The following MDGA1 variants were observed in gnomAD, a reference collection of about 807,000 sequenced individuals.
MDGA1 encodes the protein MAM domain containing glycosylphosphatidylinositol anchor 1, also known as MAM domain-containing glycosylphosphatidylinositol anchor protein 1.
Under a neutral mutation model 101.5 loss-of-function variants are expected in MDGA1, and 54 were observed. The ratio of observed to expected loss-of-function variants is 0.53; its 90% CI spans 0.43 to 0.67. The LOEUF (loss-of-function observed/expected upper bound fraction) is 0.67, where lower values mean the gene tolerates loss of function less well. Among genes scored for constraint, MDGA1 ranks in the 30% least tolerant of loss-of-function variants. The pLI, the probability that MDGA1 is intolerant of heterozygous loss-of-function variation, is 0.00. For synonymous variants in MDGA1, 533 were observed against 558.3 expected, an observed-to-expected ratio of 0.95 and a Z score of 0.64; for missense variants, 1,083 against 1,323.8, an observed-to-expected ratio of 0.82 and a Z score of 2.82.
chr6:37,648,551 T>C (rs1391720832), intron 9 of MDGA1: 1 of 205,018 alleles, frequency 4.9e-6, no homozygotes, highest in Admixed American at 5.6e-5. Flanking sequence ...TTCGAAGGGG[T>C]CTAGGCCTGG....
At position 37,635,077 on chromosome 6, in the gene MDGA1, A is replaced by AGT. The variant is rs1313466930; in HGVS notation, c.*2289_*2290dup. ...GGAAGCACCCAGGTGGTGCCAGGCC[A>AGT]GTGGTTCCTGCTGTCAGGAGAACCC... On this transcript the variant is annotated 3_prime_UTR_variant, in exon 17 of 17. Transcript: ENST00000434837. 1 of 164,596 alleles carries AGT rather than the reference A, an allele frequency of 6.1e-6. No individual in the cohort carries two copies. The highest frequency in any genetic ancestry group is 2.4e-5 in the African/African-American group (1 of 42,000). The allele number at this position is 164,596 out of a possible 1,614,324, so 10.2% of individuals were successfully genotyped here.
rs1762449970 is a variant in MDGA1 at position 37,697,676 on chromosome 6, G to A, written c.-865C>T. The A allele has an allele frequency of 6.6e-6, 1 of 150,920 alleles. No individual in the cohort carries two copies. The highest frequency in any genetic ancestry group is 2.1e-4 in the South Asian group (1 of 4,818). The allele number at this position is 150,920 out of a possible 1,614,324, so 9.3% of individuals were successfully genotyped here. A position where few individuals can be genotyped will look rare whatever the true frequency, so the allele number is the denominator to read the frequency against. On this transcript the variant is annotated 5_prime_UTR_variant, in exon 1 of 17. Transcript: ENST00000434837. The stretch of plus-strand genomic sequence containing the variant: ...TCGCCGCGCTCCTCTCCCGCCGTCT[G>A]GCCGCGGCCGTAGCCCTCCCGGGCT...
chr6:37,646,060 G>A, intron 11 of MDGA1, 104 bp from the exon 12 acceptor site: 1 of 1,583,304 alleles, frequency 6.3e-7, no homozygotes. Flanking sequence ...CCAGGACTGG[G>A]GGCCAGCGGA....
chr6:37,684,836 T>G (rs887164032), intron 1 of MDGA1, among the ~76,000 whole-genome samples: 35 of 152,204 alleles, frequency 2.3e-4, no homozygotes, highest in African/African-American at 8.4e-4. Flanking sequence ...ATGGGCTTTA[T>G]GTATCTTGCC....
intron 14 of MDGA1, among the ~76,000 whole-genome samples, chr6:37,641,392 T>C (rs916375620): frequency 6.6e-6 from 1 of 152,098 alleles, no homozygotes; most frequent in Non-Finnish European, 1.5e-5. Flanking sequence ...GCATTGGTGT[T>C]GTCTGGGCAC....
intron 1 of MDGA1, among the ~76,000 whole-genome samples, chr6:37,669,507 T>C (rs1761825956): frequency 6.6e-6 from 1 of 152,222 alleles, no homozygotes; most frequent in Non-Finnish European, 1.5e-5. Flanking sequence ...CTAGTGCCCC[T>C]TGGCCTTGGC....
At chr6:37,684,240 G>A (rs1409432284) in intron 1 of MDGA1, among the ~76,000 whole-genome samples, 1 of 152,166 alleles carries the variant, frequency 6.6e-6, no homozygotes, top group Non-Finnish European at 1.5e-5. Context: ...GTTGGACCCG[G>A]TGGAGACTGG....
At position 37,635,443 on chromosome 6, in the gene MDGA1, T is replaced by C. The variant is rs1232069353; in HGVS notation, c.*1925A>G. ...CGACAGACGCGATGGAAGTGTATGC[T>C]GAGAACCTGGAGCGACTCATTTCAG... On this transcript the variant is annotated 3_prime_UTR_variant, in exon 17 of 17. Coordinates refer to ENST00000434837, the MANE Select transcript of MDGA1 (RefSeq NM_153487.4). 1 of 398,698 alleles carries C rather than the reference T, an allele frequency of 2.5e-6. No individual in the cohort carries two copies. The highest frequency in any genetic ancestry group is 4.4e-6 in the Non-Finnish European group (1 of 226,138). The allele number at this position is 398,698 out of a possible 1,614,324, so 24.7% of individuals were successfully genotyped here.
chr6:37,696,659 C>G lies in MDGA1; in HGVS notation c.67+86G>C, dbSNP rs1052021143. 1 of 1,368,640 alleles carries G rather than the reference C, an allele frequency of 7.3e-7. No individual in the cohort carries two copies. The highest frequency in any genetic ancestry group is 1.0e-6 in the Non-Finnish European group (1 of 981,564). The allele number at this position is 1,368,640 out of a possible 1,614,324, so 84.8% of individuals were successfully genotyped here. On this transcript the variant is annotated intron_variant, in intron 1 of 16. Transcript: ENST00000434837. The surrounding 1 kb of genome is among the most constrained non-coding windows in gnomAD (Gnocchi z 5.6). ...TCCAGAGTCCGAGTCGAGGTCTCCACCAAACCCCGGCAGCGCGCACTTTGC... is the reference window on the plus strand; with the variant it reads ...TCCAGAGTCCGAGTCGAGGTCTCCAGCAAACCCCGGCAGCGCGCACTTTGC...
chr6:37,637,215 T>C lies in MDGA1; in HGVS notation c.*153A>G, dbSNP rs893243551. The C allele has an allele frequency of 1.6e-6, 1 of 612,136 alleles. No individual in the cohort carries two copies. The highest frequency in any genetic ancestry group is 2.9e-5 in the Admixed American group (1 of 34,522). The allele number at this position is 612,136 out of a possible 1,614,324, so 37.9% of individuals were successfully genotyped here. ...CCTCAGTGCCTGGCCTCTGTCCTTG[T>C]TCTCTGCTCATCCTTGCAGCCAATG... On this transcript the variant is annotated 3_prime_UTR_variant, in exon 17 of 17. Coordinates refer to ENST00000434837, the MANE Select transcript of MDGA1 (RefSeq NM_153487.4).
At chr6:37,637,549 T>C in intron 16 of MDGA1, 90 bp from the exon 17 acceptor site, 1 of 1,100,286 alleles carries the variant, frequency 9.1e-7, no homozygotes, top group Non-Finnish European at 1.4e-6. Context: ...ACTGTTACTC[T>C]GCCCACCTCT....
At chr6:37,664,906 C>CACACACACACACACACAT (rs1761712840) in intron 1 of MDGA1, among the ~76,000 whole-genome samples, 1 of 147,590 alleles carries the variant, frequency 6.8e-6, no homozygotes, top group Non-Finnish European at 1.5e-5. Flanking sequence ...CACACACACA[C>CACACACACACACACACAT]GGCTGCACAT....
chr6:37,654,221 AG>A, intron 6 of MDGA1, 52 bp downstream of exon 6: 1 of 1,495,394 alleles, frequency 6.7e-7, no homozygotes, highest in South Asian at 1.4e-5. Context: ...CCCAAAGACC[AG>A]GGACCTTGTC....
At chr6:37,647,036 C>G in intron 10 of MDGA1, 137 bp downstream of exon 10, 1 of 753,206 alleles carries the variant, frequency 1.3e-6, no homozygotes, top group Non-Finnish European at 2.1e-6. Context: ...TTCTCCCTGC[C>G]CCTGAAGAAT....
chr6:37,672,302 A>G (rs2114071485), intron 1 of MDGA1, among the ~76,000 whole-genome samples: 1 of 151,560 alleles, frequency 6.6e-6, no homozygotes, highest in Admixed American at 6.6e-5. Flanking sequence ...AAAAAATTTT[A>G]ATGAGCTGGG....
Position 37,695,732 on chromosome 6 carries a change from G to A in MDGA1, c.67+1013C>T, listed in dbSNP as rs1197246650. On this transcript the variant is annotated intron_variant, in intron 1 of 16. Transcript: ENST00000434837. ...ATTAGTCCCTCCACCCAACAGAAAA[G>A]GAAAGAGAGAATCCTGCCCGCCCCA... Among the ~76,000 whole-genome samples, 4 of 152,208 alleles carry A rather than the reference G, an allele frequency of 2.6e-5. No homozygotes were observed. In the East Asian group the frequency reaches 7.7e-4, roughly 29 times the overall value.
rs1053634013 is a variant in MDGA1, at chr6:37,676,338, C to A, written c.68-12232G>T. Reference sequence around the variant, plus strand: ...GCAGTGGCTTTGCTAAAGCAAGGAGCCCCCAAAGCACCACCTGATCAAAAA... The same window carrying A: ...GCAGTGGCTTTGCTAAAGCAAGGAGACCCCAAAGCACCACCTGATCAAAAA... On this transcript the variant is annotated intron_variant, in intron 1 of 16. Transcript: ENST00000434837. Among the ~76,000 whole-genome samples the A allele has an allele frequency of 3.9e-5, 6 of 152,296 alleles. No homozygotes were observed. The East Asian group carries it at 9.6e-4, about 24-fold the overall frequency.
chr6:37,654,173 A>G, intron 6 of MDGA1, 101 bp downstream of exon 6: 1 of 1,342,536 alleles, frequency 7.4e-7, no homozygotes, highest in Non-Finnish European at 9.9e-7. Context: ...TCTACCAAGG[A>G]GAAGCAGACA....
chr6:37,667,035 T>C (rs1761770271), intron 1 of MDGA1, among the ~76,000 whole-genome samples: 1 of 152,024 alleles, frequency 6.6e-6, no homozygotes. Flanking sequence ...AAATGCTTAG[T>C]AGAGTCGTAA....
Sources: allele counts gnomAD v4.1 joint callset (sites outside exome capture counted in the v4.1 genomes callset), GRCh38; gene constraint gnomAD v4.1.1; non-coding constraint Gnocchi (gnomAD v3.1); transcripts MANE v1.5; gene names NCBI Gene and HGNC (gene_info 2026-07-23, HGNC 2026-07-21).